TCN2: variants seen among roughly 807,000 people sequenced by gnomAD.
TCN2 encodes the protein transcobalamin-2.
In TCN2, 34 loss-of-function variants were observed where a neutral mutation model predicts 48.6. The ratio of observed to expected loss-of-function variants is 0.70; its 90% CI spans 0.53 to 0.93. The LOEUF (loss-of-function observed/expected upper bound fraction) is 0.93, where lower values mean the gene tolerates loss of function less well. Ranked by LOEUF, TCN2 falls within the 40% of genes least tolerant of loss-of-function variation. The pLI is 0.00. For synonymous variants in TCN2, 283 were observed against 212.5 expected (o/e 1.33, Z -2.89); for missense variants, 652 against 526.1 (o/e 1.24, Z -2.34).
In TCN2 at chr22:30,623,923, T is replaced by TATGTATACATATATACACACACAC. The variant is rs1569046867; in HGVS notation, c.1222+843_1222+866dup. On this transcript the variant is annotated intron_variant, in intron 8 of 8. Transcript: ENST00000215838. ...GTATACATATATATACACACATATA[T>TATGTATACATATATACACACACAC]ATGTATACATATATACACACACACA... Among the ~76,000 whole-genome samples, 27 of 41,258 alleles carry TATGTATACATATATACACACACAC rather than the reference T, an allele frequency of 6.5e-4. 6 individuals are homozygous for TATGTATACATATATACACACACAC. Among genetic ancestry groups the TATGTATACATATATACACACACAC allele is most frequent in the Non-Finnish European group, 1.2e-3 (26 of 22,584 alleles). The allele number at this position is 41,258 out of a possible 152,430, so 27.1% of individuals were successfully genotyped here. A position where few individuals can be genotyped will look rare whatever the true frequency, so the allele number is the denominator to read the frequency against.
In TCN2 at chr22:30,615,434, C is replaced by T; in HGVS notation, c.714C>T (p.Gly238=). 3 of 1,614,194 alleles carry T rather than the reference C, an allele frequency of 1.9e-6. No individual in the cohort carries two copies. Among genetic ancestry groups the T allele is most frequent in the Non-Finnish European group, 2.5e-6 (3 of 1,180,046 alleles). The change falls in exon 5 of 9, where the codon GGC becomes GGT. Residue 238 remains glycine (G), a synonymous_variant. Transcript: ENST00000215838. ...TCTTGAAGGCCCAGACCCCCGAGGG[C>T]CACTTTGGGAATGTCTACAGCACCC... ...EEILKAQTPE[G]HFGNVYSTPL... is the part of the protein sequence containing the mutation.
chr22:30,616,722 A>G (rs529797126), intron 6 of TCN2, among the ~76,000 whole-genome samples: 1 of 152,204 alleles, frequency 6.6e-6, no homozygotes, highest in East Asian at 1.9e-4. Context: ...AATCACTTGA[A>G]CCTGGGAGAC....
chr22:30,626,791 A>C lies in TCN2; in HGVS notation c.*270A>C. On this transcript the variant is annotated 3_prime_UTR_variant, in exon 9 of 9. Coordinates refer to ENST00000215838, the MANE Select transcript of TCN2 (RefSeq NM_000355.4). The stretch of plus-strand genomic sequence containing the variant: ...GCAGGTCTCCCATGAAGGCCACCCC[A>C]TGGTCTGATGGGCATGAAGCATCTC... 16 of 557,246 alleles carry C rather than the reference A, an allele frequency of 2.9e-5. No individual in the cohort carries two copies. The highest frequency in any genetic ancestry group is 9.3e-5 in the East Asian group (3 of 32,432). 34.5% of individuals were successfully genotyped at this position (557,246 alleles called of 1,614,324 possible).
intron 1 of TCN2, among the ~76,000 whole-genome samples, chr22:30,608,176 C>T (rs779024476): frequency 4.6e-5 from 7 of 152,150 alleles, no homozygotes; most frequent in Non-Finnish European, 8.8e-5. Context: ...CGCCTTTTCT[C>T]CTCCTCTGCA....
chr22:30,621,869 C>A (rs186429929), intron 7 of TCN2, among the ~76,000 whole-genome samples: 4 of 152,216 alleles, frequency 2.6e-5, no homozygotes, highest in South Asian at 4.1e-4. Context: ...AGCTCTGCCC[C>A]GCTCTCCTCC....
intron 7 of TCN2, among the ~76,000 whole-genome samples, chr22:30,621,127 G>A (rs1345018287): frequency 6.6e-6 from 1 of 151,876 alleles, no homozygotes; most frequent in African/African-American, 2.4e-5. Flanking sequence ...TGAGCAGCTG[G>A]GATTACAGGG....
At chr22:30,626,353 G>A (rs901582484) in intron 8 of TCN2, 107 bp from the exon 9 acceptor site, 14 of 1,216,544 alleles carry the variant, frequency 1.2e-5, no homozygotes, top group Admixed American at 1.9e-5. Flanking sequence ...CAAGCCCCAG[G>A]TGGATTCTTA....
chr22:30,620,390 A>G lies in TCN2; in HGVS notation c.1107-2578A>G, dbSNP rs150837642. Among the ~76,000 whole-genome samples the G allele has an allele frequency of 1.5e-3, 228 of 152,344 alleles. 1 individual carries two copies. The highest frequency in any genetic ancestry group is 3.3e-3 in the Admixed American group (50 of 15,298). On this transcript the variant is annotated intron_variant, in intron 7 of 8. Coordinates refer to ENST00000215838, the MANE Select transcript of TCN2 (RefSeq NM_000355.4). ...AAAGTATAAAAACCAATACCATTCA[A>G]ATAAGGATGCTCTGCGGAGGTGCTG...
chr22:30,625,149 C>T (rs112711686), intron 8 of TCN2, among the ~76,000 whole-genome samples: 5 of 152,112 alleles, frequency 3.3e-5, no homozygotes, highest in Admixed American at 2.0e-4. Flanking sequence ...ACCCAGGAGG[C>T]GGAGGTTGCC....
chr22:30,611,146 A>G (rs2087534828), intron 2 of TCN2, 83 bp downstream of exon 2: 2 of 1,581,232 alleles, frequency 1.3e-6, no homozygotes, highest in African/African-American at 1.3e-5. Flanking sequence ...GCCTGTCACC[A>G]CTTTGTGGGC....
intron 1 of TCN2, 86 bp from the exon 2 acceptor site, chr22:30,610,785 T>C (rs2145536326): frequency 1.4e-6 from 2 of 1,451,742 alleles, no homozygotes; most frequent in Non-Finnish European, 1.9e-6. Context: ...ACATGTATTC[T>C]CTGGAGAAGG....
At chr22:30,616,882 A>G (rs2087619564) in intron 6 of TCN2, among the ~76,000 whole-genome samples, 1 of 152,180 alleles carries the variant, frequency 6.6e-6, no homozygotes, top group Non-Finnish European at 1.5e-5. Flanking sequence ...GTTTGGGGGA[A>G]TTTTGAGGAA....
In TCN2 at chr22:30,615,415, A is replaced by C. The variant is rs1371777581; in HGVS notation, c.695A>C (p.Lys232Thr). ...AIRTVREEIL[K>T]AQTPEGHFGN... ...AGAACAGTGCGAGAGGAGATCTTGA[A>C]GGCCCAGACCCCCGAGGGCCACTTT... The change falls in exon 5 of 9, where the codon AAG (lysine) becomes ACG (threonine). Residue 232 changes from lysine (K) to threonine (T), a missense_variant. By Grantham distance (78) the Lys-to-Thr change is moderately conservative (BLOSUM62 -1). Transcript: ENST00000215838. 6.2e-7 allele frequency: 1 copy of C among 1,614,184 alleles called. No homozygotes were observed.
chr22:30,620,895 C>T (rs533011762), intron 7 of TCN2, among the ~76,000 whole-genome samples: 1 of 152,196 alleles, frequency 6.6e-6, no homozygotes, highest in Non-Finnish European at 1.5e-5. Context: ...TGTGCAGCCA[C>T]ATGGCCCTGC....
At chr22:30,624,517 A>G (rs1434492379) in intron 8 of TCN2, among the ~76,000 whole-genome samples, 1 of 146,742 alleles carries the variant, frequency 6.8e-6, no homozygotes, top group African/African-American at 2.5e-5. Context: ...GGACTTTCTG[A>G]GGGAGCCCAC....
rs572942248 is a variant in TCN2 at position 30,607,341 on chromosome 22, C to G, written c.10C>G (p.Leu4Val). 7 of 1,614,192 alleles carry G rather than the reference C, an allele frequency of 4.3e-6. No homozygotes were observed. In the South Asian group the frequency reaches 7.7e-5, roughly 18 times the overall value. The change falls in exon 1 of 9, where the codon CTT becomes GTT. Residue 4 changes from leucine (L) to valine (V), a missense_variant. By Grantham distance (32) the Leu-to-Val change is conservative. Transcript: ENST00000215838. Reference protein sequence around the residue: MRHLGAFLFLLGVL... With the variant: MRHVGAFLFLLGVL... ...CCCACCTGCTGCTGCCATGAGGCAC[C>G]TTGGGGCCTTCCTCTTCCTTCTGGG...
At chr22:30,623,365 A>C in intron 8 of TCN2, 1 of 353,480 alleles carries the variant, frequency 2.8e-6, no homozygotes, top group East Asian at 6.0e-5. Flanking sequence ...AACGTCTTTT[A>C]TTTTGAGATG....
rs140172709 is a variant in TCN2 at position 30,622,635 on chromosome 22, C to T, written c.1107-333C>T. Among the ~76,000 whole-genome samples the T allele has an allele frequency of 3.2e-3, 485 of 152,314 alleles. 3 individuals carry two copies. Among genetic ancestry groups the T allele is most frequent in the African/African-American group, 0.011 (461 of 41,566 alleles). ...TGTACATTGTACACATTCTAGGTGA[C>T]ACCAGCAGCTTCTGATTCTCATCCC... On this transcript the variant is annotated intron_variant, in intron 7 of 8. Transcript: ENST00000215838.
chr22:30,611,083 T>C lies in TCN2; in HGVS notation c.257+20T>C. ...CCTAGGGTATTGCCACACTCTCTTT[T>C]TCCATGTCTTGCTCCACATACTAAG... is the stretch of plus-strand genomic sequence containing the variant. On this transcript the variant is annotated intron_variant, in intron 2 of 8. Transcript: ENST00000215838. 2 of 1,613,882 alleles carry C rather than the reference T, an allele frequency of 1.2e-6. No homozygotes were observed. The highest frequency in any genetic ancestry group is 1.7e-6 in the Non-Finnish European group (2 of 1,179,854).
Sources: allele counts gnomAD v4.1 joint callset (sites outside exome capture counted in the v4.1 genomes callset), GRCh38; gene constraint gnomAD v4.1.1; transcripts MANE v1.5; gene names NCBI Gene and HGNC (gene_info 2026-07-23, HGNC 2026-07-21).